Variants in N4BP2 observed in about 807,000 individuals in gnomAD.
The protein encoded by N4BP2 is NEDD4-binding protein 2.
In N4BP2, 91 loss-of-function variants were observed where a neutral mutation model predicts 152.8. That is an observed-to-expected ratio of 0.60 (90% confidence interval 0.50 to 0.71). The LOEUF (loss-of-function observed/expected upper bound fraction) is 0.71, where lower values mean the gene tolerates loss of function less well. N4BP2 is among the 30% of genes least tolerant of loss of function. N4BP2 has a pLI of 0.00. For missense variants in N4BP2, 1,923 were observed against 2,059.1 expected, an observed-to-expected ratio of 0.93 and a Z score of 1.28; for synonymous variants, 646 against 705.3, an observed-to-expected ratio of 0.92 and a Z score of 1.33.
At chr4:40,059,512 G>T (rs1226953017) in intron 1 of N4BP2, among the ~76,000 whole-genome samples, 1 of 151,920 alleles carries the variant, frequency 6.6e-6, no homozygotes, top group African/African-American at 2.4e-5. Flanking sequence ...ACCACACCTG[G>T]CTAACTTCTG....
chr4:40,131,159 AGT>A (rs781528686), intron 12 of N4BP2, among the ~76,000 whole-genome samples: 7 of 152,198 alleles, frequency 4.6e-5, no homozygotes, highest in Non-Finnish European at 8.8e-5. Flanking sequence ...AGCATCACAC[AGT>A]GTCACTTTTA....
chr4:40,182,986 A>AT, the N4BP2 span, among the ~76,000 whole-genome samples: 3 of 152,002 alleles, frequency 2.0e-5, no homozygotes, highest in South Asian at 4.2e-4. Context: ...CCCATTTAAT[A>AT]TTTTTTAATA....
At chr4:40,137,452 T>G (rs1190054961) in intron 14 of N4BP2, among the ~76,000 whole-genome samples, 1 of 152,198 alleles carries the variant, frequency 6.6e-6, no homozygotes, top group Non-Finnish European at 1.5e-5. Context: ...GCTCTACCAT[T>G]TTATATTTCC....
chr4:40,094,927 G>A (rs764031078), intron 2 of N4BP2, among the ~76,000 whole-genome samples: 22 of 152,060 alleles, frequency 1.4e-4, no homozygotes, highest in Admixed American at 4.6e-4. Context: ...TCGAGTAGCC[G>A]GGACTACAGG....
At position 40,097,155 on chromosome 4, in the gene N4BP2, T is replaced by A; in HGVS notation, c.-114-72T>A. The A allele has an allele frequency of 5.5e-6, 3 of 543,256 alleles. No individual in the cohort carries two copies. In the East Asian group the frequency reaches 9.1e-5, roughly 16 times the overall value. 33.7% of individuals were successfully genotyped at this position (543,256 alleles called of 1,614,324 possible). ...TTGGTGGTACTTTCTTAGAGCTAAATAAAGATGTCATTCCGATTTTAGAAA... is the reference window on the plus strand; with the variant it reads ...TTGGTGGTACTTTCTTAGAGCTAAAAAAAGATGTCATTCCGATTTTAGAAA... On this transcript the variant is annotated intron_variant, in intron 2 of 17. Transcript: ENST00000261435.
chr4:40,144,391 G>T lies in N4BP2; in HGVS notation c.4975-241G>T, dbSNP rs76512387. ...GTTTAGTTAAGTTTCCCACTTTTACGACTTTTGGTTCAGAAAATGTTAGAA... is the reference window on the plus strand; with the variant it reads ...GTTTAGTTAAGTTTCCCACTTTTACTACTTTTGGTTCAGAAAATGTTAGAA... On this transcript the variant is annotated intron_variant, in intron 15 of 17. Transcript: ENST00000261435. 0.016 allele frequency among the ~76,000 whole-genome samples: 2,469 copies of T among 152,174 alleles called. 86 individuals are homozygous for T. Among genetic ancestry groups the T allele is most frequent in the East Asian group, 0.15 (784 of 5,188 alleles).
intron 2 of N4BP2, among the ~76,000 whole-genome samples, chr4:40,094,089 A>T (rs1714887945): frequency 6.6e-6 from 1 of 152,156 alleles, no homozygotes; most frequent in Non-Finnish European, 1.5e-5. Flanking sequence ...TCAATTTATT[A>T]TATTTTAAAA....
chr4:40,067,407 AT>A (rs368006880), intron 1 of N4BP2, among the ~76,000 whole-genome samples: 81 of 135,570 alleles, frequency 6.0e-4, no homozygotes, highest in South Asian at 1.4e-3. Flanking sequence ...TATGTACCAC[AT>A]TTTTTTTTTT....
chr4:40,088,575 A>G (rs967015827), intron 2 of N4BP2, among the ~76,000 whole-genome samples: 6 of 150,342 alleles, frequency 4.0e-5, no homozygotes, highest in African/African-American at 1.5e-4. Context: ...ATCTCCGCTC[A>G]CTGCAGCCTC....
chr4:40,145,767 C>T (rs1720455480), intron 16 of N4BP2, among the ~76,000 whole-genome samples: 1 of 151,904 alleles, frequency 6.6e-6, no homozygotes, highest in East Asian at 1.9e-4. Context: ...GACACACAAT[C>T]CTTGTCTTTA....
chr4:40,128,788 G>C (rs1056062340), intron 12 of N4BP2, among the ~76,000 whole-genome samples: 1 of 151,226 alleles, frequency 6.6e-6, no homozygotes, highest in Non-Finnish European at 1.5e-5. Flanking sequence ...CAAAGTGTTG[G>C]GATTACAGGC....
At chr4:40,174,343 T>G in the N4BP2 span, among the ~76,000 whole-genome samples, 1 of 151,652 alleles carries the variant, frequency 6.6e-6, no homozygotes, top group Non-Finnish European at 1.5e-5. Context: ...TTTAAAGAAA[T>G]TAAAAATAGA....
intron 10 of N4BP2, 39 bp downstream of exon 10, chr4:40,123,251 C>A: frequency 7.5e-7 from 1 of 1,332,740 alleles, no homozygotes. Context: ...CCTTTTTTGT[C>A]CATTTTGAAC....
chr4:40,057,408 C>T (rs1733286209), intron 1 of N4BP2, among the ~76,000 whole-genome samples: 1 of 152,246 alleles, frequency 6.6e-6, no homozygotes, highest in South Asian at 2.1e-4. Flanking sequence ...CCTGACCTTG[C>T]GCCCCTCCAG....
chr4:40,096,271 G>A (rs1579012044), intron 2 of N4BP2, among the ~76,000 whole-genome samples: 2 of 152,140 alleles, frequency 1.3e-5, no homozygotes, highest in African/African-American at 4.8e-5. Context: ...TAGGAAAGTG[G>A]GATAAATGGT....
At chr4:40,170,009 A>C in the N4BP2 span, among the ~76,000 whole-genome samples, 1 of 151,256 alleles carries the variant, frequency 6.6e-6, no homozygotes, top group Non-Finnish European at 1.5e-5. Context: ...AAAATAGAGG[A>C]GGAAATTAAG....
chr4:40,151,261 G>A (rs1421231631), intron 16 of N4BP2, among the ~76,000 whole-genome samples: 1 of 151,996 alleles, frequency 6.6e-6, no homozygotes, highest in Non-Finnish European at 1.5e-5. Context: ...ATTTAGTTGG[G>A]CTTTTTTTGT....
At chr4:40,061,861 C>T (rs900898391) in intron 1 of N4BP2, among the ~76,000 whole-genome samples, 17 of 151,866 alleles carry the variant, frequency 1.1e-4, no homozygotes, top group East Asian at 1.9e-4. Context: ...GATGGGTTTT[C>T]GCCATGTTGG....
rs757715442 is a variant in N4BP2 at position 40,120,669 on chromosome 4, A to G, written c.2558A>G (p.Lys853Arg). 4 of 1,614,006 alleles carry G rather than the reference A, an allele frequency of 2.5e-6. No individual in the cohort carries two copies. Among genetic ancestry groups the G allele is most frequent in the Admixed American group, 1.7e-5 (1 of 59,996 alleles). The change falls in exon 9 of 18, where the codon AAG becomes AGG. Residue 853 changes from lysine to arginine, a missense_variant. By Grantham distance (26) the Lys-to-Arg change is conservative. Coordinates refer to ENST00000261435, the MANE Select transcript of N4BP2 (RefSeq NM_018177.6). ...SPHESVEDGR[K>R]SQCDDASEPL... is the part of the protein sequence containing the mutation. ...CATGAAAGTGTAGAGGATGGCAGAA[A>G]GTCACAGTGTGATGATGCTTCAGAG... is the stretch of plus-strand genomic sequence containing the variant.
Sources: allele counts gnomAD v4.1 joint callset (sites outside exome capture counted in the v4.1 genomes callset), GRCh38; gene constraint gnomAD v4.1.1; transcripts MANE v1.5; gene names NCBI Gene and HGNC (gene_info 2026-07-23, HGNC 2026-07-21).